Variants in DPPA3 observed in about 807,000 individuals in gnomAD.
DPPA3 encodes the protein developmental pluripotency-associated protein 3.
In DPPA3, 9 loss-of-function variants were observed where a neutral mutation model predicts 15.6. The ratio of observed to expected loss-of-function variants is 0.58; its 90% CI spans 0.35 to 1.01. DPPA3 has a LOEUF of 1.01. Among genes scored for constraint, DPPA3 ranks in the 50% least tolerant of loss-of-function variants. The pLI, the probability that DPPA3 is intolerant of heterozygous loss-of-function variation, is 0.02. For missense variants in DPPA3, 148 were observed against 194.6 expected (o/e 0.76, Z 1.42); for synonymous variants, 61 against 70.9 (o/e 0.86, Z 0.70).
intron 1 of DPPA3, among the ~76,000 whole-genome samples, chr12:7,712,077 G>GGTTATTTTTTTTT (rs71038728): frequency 1.3e-5 from 1 of 77,978 alleles, no homozygotes. Flanking sequence ...CACCGCGCCC[G>GGTTATTTTTTTTT]TTTTTTTTTT....
At chr12:7,716,313 T>C in intron 3 of DPPA3, 74 bp downstream of exon 3, 1 of 1,224,134 alleles carries the variant, frequency 8.2e-7, no homozygotes, top group Non-Finnish European at 1.1e-6. Flanking sequence ...TCTGGTTTGT[T>C]TCCTTTTGCC....
rs1417741781 is a variant in DPPA3 at position 7,716,979 on chromosome 12, CCATT to C, written c.385_388del (p.Phe129AsnfsTer20). On this transcript the variant is annotated frameshift_variant, in exon 4 of 4. Coordinates refer to ENST00000345088, the MANE Select transcript of DPPA3 (RefSeq NM_199286.4). LOFTEE classifies it low-confidence loss of function (END_TRUNC). ...CATTTTTTTTCAGAAGGAATCAAGACCATTCAAATGTCCCTGCAGTTTCTGCGTG... is the reference window on the plus strand; with the variant it reads ...CATTTTTTTTCAGAAGGAATCAAGACCAAATGTCCCTGCAGTTTCTGCGTG... The C allele has an allele frequency of 6.2e-7, 1 of 1,612,560 alleles. No homozygotes were observed. Among genetic ancestry groups the C allele is most frequent in the African/African-American group, 1.3e-5 (1 of 74,826 alleles).
At chr12:7,715,521 T>G in intron 2 of DPPA3, 94 bp downstream of exon 2, 1 of 1,577,212 alleles carries the variant, frequency 6.3e-7, no homozygotes, top group South Asian at 1.1e-5. Flanking sequence ...CTAGGCCCGG[T>G]GCGGTGGCTG....
rs1864408360 is a variant in DPPA3 at position 7,717,021 on chromosome 12, G to A, written c.424G>A (p.Asp142Asn). ...PCSFCVSNGW[D>N]PSENARIGNQ... is the part of the protein sequence containing the mutation. ...CAGTTTCTGCGTGTCTAATGGATGG[G>A]ATCCTTCTGAGAATGCTAGAATAGG... The change falls in exon 4 of 4, where the codon GAT becomes AAT. Residue 142 changes from aspartate to asparagine, a missense_variant. By Grantham distance (23) the Asp-to-Asn change is conservative. Coordinates refer to ENST00000345088, the MANE Select transcript of DPPA3 (RefSeq NM_199286.4). The A allele has an allele frequency of 2.5e-6, 4 of 1,613,648 alleles. No homozygotes were observed. The highest frequency in any genetic ancestry group is 2.7e-5 in the African/African-American group (2 of 74,822).
In DPPA3 at chr12:7,711,638, C is replaced by A. The variant is rs201819455; in HGVS notation, c.68C>A (p.Ser23Tyr). The change falls in exon 1 of 4, where the codon TCC becomes TAC. Residue 23 changes from serine to tyrosine, a missense_variant. Physicochemically the swap from Ser to Tyr is moderately radical, Grantham distance 144. Coordinates refer to ENST00000345088, the MANE Select transcript of DPPA3 (RefSeq NM_199286.4). The stretch of plus-strand genomic sequence containing the variant: ...CCACAAATGCTCACCGAAGAAAATT[C>A]CCGGGACGATTCAGGTAAGCCAGAT... ...GSPQMLTEEN[S>Y]RDDSGASQIS... The A allele has an allele frequency of 1.3e-4, 202 of 1,603,930 alleles. 1 individual carries two copies. In the Middle Eastern group the frequency reaches 6.8e-3, roughly 54 times the overall value.
Position 7,711,450 on chromosome 12 carries a change from T to TA in DPPA3, c.-121_-120insA. The TA allele has an allele frequency of 1.3e-6, 1 of 768,638 alleles. No individual in the cohort carries two copies. Among genetic ancestry groups the TA allele is most frequent in the Non-Finnish European group, 2.0e-6 (1 of 488,580 alleles). The allele number at this position is 768,638 out of a possible 1,614,324, so 47.6% of individuals were successfully genotyped here. A position where few individuals can be genotyped will look rare whatever the true frequency, so the allele number is the denominator to read the frequency against. On this transcript the variant is annotated 5_prime_UTR_variant, in exon 1 of 4. Coordinates refer to ENST00000345088, the MANE Select transcript of DPPA3 (RefSeq NM_199286.4). Reference sequence around the variant, plus strand: ...TAGTTTACGTCAGTTCTTTGACCATTCGTTGGAGCTCCGGTTTTCAGCCTC... The same window carrying TA: ...TAGTTTACGTCAGTTCTTTGACCATTACGTTGGAGCTCCGGTTTTCAGCCTC...
Position 7,715,178 on chromosome 12 carries a change from T to A in DPPA3, c.83-5T>A, listed in dbSNP as rs780734497. The A allele has an allele frequency of 1.2e-5, 20 of 1,613,252 alleles. No homozygotes were observed. Among genetic ancestry groups the A allele is most frequent in the Non-Finnish European group, 1.7e-5 (20 of 1,179,626 alleles). On this transcript the variant is annotated splice_region_variant and splice_polypyrimidine_tract_variant and intron_variant, in intron 1 of 3. Coordinates refer to ENST00000345088, the MANE Select transcript of DPPA3 (RefSeq NM_199286.4). The stretch of plus-strand genomic sequence containing the variant: ...AATGTAATGGCTTTTAACCTTCTCT[T>A]TCAGGGGCCTCTCAAATCTCCTCCG...
intron 1 of DPPA3, among the ~76,000 whole-genome samples, chr12:7,713,328 G>A (rs1016023905): frequency 6.6e-6 from 1 of 152,198 alleles, no homozygotes; most frequent in Admixed American, 6.5e-5. Flanking sequence ...CTATATATCC[G>A]AGTGGGAAAG....
intron 1 of DPPA3, among the ~76,000 whole-genome samples, chr12:7,713,627 TAG>T (rs1235412519): frequency 5.3e-5 from 8 of 152,126 alleles, no homozygotes; most frequent in East Asian, 3.8e-4. Flanking sequence ...TTTCCCAAAA[TAG>T]AGTTTGAGTG....
rs748693604 is a variant in DPPA3 at position 7,715,310 on chromosome 12, C to A, written c.210C>A (p.Val70=). ...LLRRESVGAA[V]LREIEDEWLY... Reference sequence around the variant, plus strand: ...GTCGAGAGTCTGTAGGAGCAGCAGTCCTCAGGGAAATCGAAGATGAGTGGC... The same window carrying A: ...GTCGAGAGTCTGTAGGAGCAGCAGTACTCAGGGAAATCGAAGATGAGTGGC... Residue 70 remains valine, a synonymous_variant, in exon 2 of 4, where the codon GTC becomes GTA. Transcript: ENST00000345088. The A allele has an allele frequency of 2.5e-5, 41 of 1,613,920 alleles. No homozygotes were observed. Among genetic ancestry groups the A allele is most frequent in the Non-Finnish European group, 3.5e-5 (41 of 1,179,982 alleles).
chr12:7,713,455 C>T (rs192659182), intron 1 of DPPA3, among the ~76,000 whole-genome samples: 2 of 152,152 alleles, frequency 1.3e-5, no homozygotes, highest in Admixed American at 6.5e-5. Flanking sequence ...GAATCGATCT[C>T]GAACTTTGAT....
chr12:7,712,562 C>G (rs77784354), intron 1 of DPPA3, among the ~76,000 whole-genome samples: 1 of 152,092 alleles, frequency 6.6e-6, no homozygotes, highest in African/African-American at 2.4e-5. Context: ...ATTCTCCTGT[C>G]TCAGCCTCCA....
At chr12:7,711,781 T>C in intron 1 of DPPA3, 129 bp downstream of exon 1, 7 of 801,852 alleles carry the variant, frequency 8.7e-6, no homozygotes, top group Non-Finnish European at 1.3e-5. Flanking sequence ...AAGAGGAATG[T>C]ATTTAGGTAA....
chr12:7,711,694 G>C, intron 1 of DPPA3, 42 bp downstream of exon 1: 1 of 1,475,072 alleles, frequency 6.8e-7, no homozygotes, highest in Non-Finnish European at 9.2e-7. Context: ...GACTATAGGG[G>C]GGTTGGGAGG....
In DPPA3 at chr12:7,715,403, C is replaced by T. The variant is rs778144205; in HGVS notation, c.303C>T (p.Tyr101=). The change falls in exon 2 of 4, where the codon TAC becomes TAT. Residue 101 remains tyrosine, a synonymous_variant. Coordinates refer to ENST00000345088, the MANE Select transcript of DPPA3 (RefSeq NM_199286.4). ...VQREKMARLR[Y]MLLGGVRTHE... ...GAGAAAAGATGGCAAGATTGAGATA[C>T]ATGTTACTCGGCGGAGTTCGTACGG... 6.6e-5 allele frequency: 106 copies of T among 1,613,990 alleles called. No individual in the cohort carries two copies. The highest frequency in any genetic ancestry group is 8.4e-5 in the Non-Finnish European group (99 of 1,180,012).
chr12:7,714,896 G>T (rs937040756), intron 1 of DPPA3, among the ~76,000 whole-genome samples: 8 of 152,076 alleles, frequency 5.3e-5, no homozygotes, highest in South Asian at 2.1e-4. Context: ...GTATTTTTTA[G>T]TAGAGAGGGG....
At chr12:7,716,536 A>C (rs958675636) in intron 3 of DPPA3, among the ~76,000 whole-genome samples, 2 of 152,132 alleles carry the variant, frequency 1.3e-5, no homozygotes, top group Non-Finnish European at 1.5e-5. Flanking sequence ...TGATGAACTT[A>C]CCCTGACAGG....
chr12:7,713,923 G>A (rs900159051), intron 1 of DPPA3, among the ~76,000 whole-genome samples: 1 of 152,204 alleles, frequency 6.6e-6, no homozygotes, highest in African/African-American at 2.4e-5. Flanking sequence ...TGAGGTGGGA[G>A]GATCCCTTGA....
At chr12:7,714,521 C>CT (rs143222548) in intron 1 of DPPA3, among the ~76,000 whole-genome samples, 16,501 of 149,976 alleles carry the variant, frequency 0.11, 1,261 homozygotes, top group South Asian at 0.33. Flanking sequence ...CTTGACTTTC[C>CT]TTTTTTTTTG....
Sources: gnomAD v4.1 joint callset for allele counts (sites outside exome capture counted in the v4.1 genomes callset) on GRCh38, gnomAD v4.1.1 for gene constraint, MANE v1.5 for transcripts, NCBI Gene and HGNC (gene_info 2026-07-23, HGNC 2026-07-21) for gene names.